SIM1: variants seen among roughly 807,000 people sequenced by gnomAD.
The protein encoded by SIM1 is SIM bHLH transcription factor 1, also known as single-minded homolog 1.
SIM1 carries 18 observed loss-of-function variants against 78.2 expected under a neutral mutation model. The ratio of observed to expected loss-of-function variants is 0.23; its 90% confidence interval spans 0.16 to 0.34. The LOEUF is 0.34. SIM1 is among the 10% of genes least tolerant of loss of function. SIM1 has a pLI of 1.00. For synonymous variants in SIM1, 417 were observed against 385.2 expected (o/e 1.08, Z -0.97); for missense variants, 939 against 975.1 (o/e 0.96, Z 0.49).
chr6:100,439,710 A>T (rs1772156258), intron 9 of SIM1, among the ~76,000 whole-genome samples: 1 of 152,202 alleles, frequency 6.6e-6, no homozygotes, highest in South Asian at 2.1e-4. Context: ...GGTAAAGTTG[A>T]CAAAACACTG....
rs1403199568 is a variant in SIM1, at chr6:100,386,500, A to T, written c.*3861T>A. 6.6e-6 allele frequency: 1 copy of T among 151,974 alleles called. No individual in the cohort carries two copies. The highest frequency in any genetic ancestry group is 1.5e-5 in the Non-Finnish European group (1 of 67,922). 9.4% of individuals were successfully genotyped at this position (151,974 alleles called of 1,614,324 possible). On this transcript the variant is annotated 3_prime_UTR_variant, in exon 12 of 12. Coordinates refer to ENST00000369208, the MANE Select transcript of SIM1 (RefSeq NM_005068.3). ...ACTTGGTTTAGATCTTGAGGGCGGA[A>T]ATCTTGTATTTCATTTTAAAATATA...
rs1374847760 is a variant in SIM1 at position 100,448,574 on chromosome 6, C to T, written c.648G>A (p.Ser216=). 2 of 1,614,092 alleles carry T rather than the reference C, an allele frequency of 1.2e-6. No individual in the cohort carries two copies. The highest frequency in any genetic ancestry group is 2.2e-5 in the East Asian group (1 of 44,866). The change falls in exon 7 of 12, where the codon TCG becomes TCA. Residue 216 remains serine, a synonymous_variant. Transcript: ENST00000369208. ...QNVGLVAVGH[S]LPPSAVTEIK... The stretch of plus-strand genomic sequence containing the variant: ...TCTCCGTGACGGCGCTGGGAGGCAG[C>T]GAGTGGCCCACGGCCACCAGGCCCA...
At chr6:100,409,993 G>A (rs7747189) in intron 10 of SIM1, among the ~76,000 whole-genome samples, 41,240 of 152,050 alleles carry the variant, frequency 0.27, 5,985 homozygotes, top group East Asian at 0.57. Context: ...AAAAATGTAT[G>A]TTCTGCGTCA....
Position 100,448,647 on chromosome 6 carries a change from C to A in SIM1, c.575G>T (p.Arg192Leu). 1.9e-6 allele frequency: 3 copies of A among 1,612,930 alleles called. No homozygotes were observed. Among genetic ancestry groups the A allele is most frequent in the Non-Finnish European group, 2.5e-6 (3 of 1,179,994 alleles). ...GGGGGACATGTCCAGGCTGTACTGG[C>A]GGATCTTCAAGTAGCCGCTGCAGTG... ...VIHCSGYLKIRQYSLDMSPFD... is the reference protein window; with the variant it reads ...VIHCSGYLKILQYSLDMSPFD... The change falls in exon 7 of 12, where the codon CGC becomes CTC. Residue 192 changes from arginine (R) to leucine (L), a missense_variant. By Grantham distance (102) the Arg-to-Leu change is moderately radical (BLOSUM62 -2). Around this residue, in one of 5 missense-constraint regions of SIM1, gnomAD observed 187 missense variants for 191.6 expected, o/e 0.98. Transcript: ENST00000369208.
At chr6:100,445,259 A>G (rs1772326563) in intron 9 of SIM1, among the ~76,000 whole-genome samples, 1 of 152,160 alleles carries the variant, frequency 6.6e-6, no homozygotes, top group Non-Finnish European at 1.5e-5. Flanking sequence ...CAGCTATAAA[A>G]ATTGTCCTAA....
chr6:100,409,627 T>A (rs541102487), intron 10 of SIM1, among the ~76,000 whole-genome samples: 1 of 152,250 alleles, frequency 6.6e-6, no homozygotes, highest in South Asian at 2.1e-4. Context: ...AGGTGTAAAG[T>A]TAAGTTATAT....
chr6:100,398,706 G>A (rs1770829433), intron 10 of SIM1, among the ~76,000 whole-genome samples: 1 of 152,034 alleles, frequency 6.6e-6, no homozygotes, highest in African/African-American at 2.4e-5. Flanking sequence ...TCTACCTTTT[G>A]ACTATGAAGC....
Position 100,393,572 on chromosome 6 carries a change from G to C in SIM1, c.1485C>G (p.Ala495=), listed in dbSNP as rs1770693698. The C allele has an allele frequency of 6.2e-7, 1 of 1,613,202 alleles. No homozygotes were observed. Among genetic ancestry groups the C allele is most frequent in the African/African-American group, 1.3e-5 (1 of 74,930 alleles). The change falls in exon 11 of 12, where the codon GCC becomes GCG. Residue 495 remains alanine (A), a synonymous_variant. Transcript: ENST00000369208. ...GREPWWGSRA[A]LPLTKASPES... ...CTGGGGAGGCCTTTGTCAGGGGCAA[G>C]GCTGCGCGAGAGCCCCACCAGGGCT... is the stretch of plus-strand genomic sequence containing the variant.
intron 2 of SIM1, among the ~76,000 whole-genome samples, chr6:100,459,978 A>AT (rs1427718325): frequency 6.6e-6 from 1 of 152,102 alleles, no homozygotes; most frequent in Non-Finnish European, 1.5e-5. Flanking sequence ...ATGTGCCTCA[A>AT]TTTTTTCTTT....
At chr6:100,457,815 C>A (rs996155055) in intron 2 of SIM1, among the ~76,000 whole-genome samples, 1 of 152,172 alleles carries the variant, frequency 6.6e-6, no homozygotes, top group African/African-American at 2.4e-5. Context: ...CATCGGCGAG[C>A]GCGCCGGGCC....
At chr6:100,397,668 G>C (rs1441595068) in intron 10 of SIM1, among the ~76,000 whole-genome samples, 3 of 151,742 alleles carry the variant, frequency 2.0e-5, no homozygotes, top group Non-Finnish European at 4.4e-5. Flanking sequence ...GAAAAAAAAA[G>C]ATAAATTGAA....
At chr6:100,412,728 AAAG>A (rs1379200722) in intron 10 of SIM1, among the ~76,000 whole-genome samples, 5 of 141,344 alleles carry the variant, frequency 3.5e-5, no homozygotes, top group Non-Finnish European at 7.6e-5. Context: ...AGAAAGAAAG[AAAG>A]AAAGAAAGAA....
At chr6:100,457,904 G>A (rs992433154) in intron 2 of SIM1, among the ~76,000 whole-genome samples, 1 of 152,198 alleles carries the variant, frequency 6.6e-6, no homozygotes, top group Non-Finnish European at 1.5e-5. Flanking sequence ...CCTGCCTGCT[G>A]ATCCCGGGCC....
chr6:100,457,197 C>T (rs1247806251), intron 2 of SIM1, among the ~76,000 whole-genome samples: 20 of 152,188 alleles, frequency 1.3e-4, no homozygotes, highest in Admixed American at 1.3e-3. Flanking sequence ...GGAAGATAAG[C>T]GTGTGTTCTG....
intron 10 of SIM1, among the ~76,000 whole-genome samples, chr6:100,412,956 C>T (rs1717049351): frequency 6.6e-6 from 1 of 152,100 alleles, no homozygotes; most frequent in Admixed American, 6.5e-5. Flanking sequence ...CCCAATCCTG[C>T]TGATAACTCC....
chr6:100,393,898 G>A lies in SIM1; in HGVS notation c.1168-9C>T, dbSNP rs750299680. On this transcript the variant is annotated splice_polypyrimidine_tract_variant and intron_variant, in intron 10 of 11. Transcript: ENST00000369208. ...GTGTGAAATCCCGAATACTGAAACC[G>A]AGTAGGGGAGAAAAGTCCATTTCAA... 6 of 1,526,914 alleles carry A rather than the reference G, an allele frequency of 3.9e-6. No individual in the cohort carries two copies. The highest frequency in any genetic ancestry group is 5.3e-6 in the Non-Finnish European group (6 of 1,136,670). The allele number at this position is 1,526,914 out of a possible 1,614,324, so 94.6% of individuals were successfully genotyped here.
chr6:100,408,218 T>A (rs1771099091), intron 10 of SIM1, among the ~76,000 whole-genome samples: 1 of 152,152 alleles, frequency 6.6e-6, no homozygotes, highest in South Asian at 2.1e-4. Flanking sequence ...TTCCCCATTT[T>A]GCATTCTTGG....
intron 9 of SIM1, among the ~76,000 whole-genome samples, chr6:100,426,584 A>G (rs1250189439): frequency 1.3e-5 from 2 of 152,218 alleles, no homozygotes; most frequent in East Asian, 1.9e-4. Flanking sequence ...TATCATTTCA[A>G]CTGGGAGAAT....
rs372582255 is a variant in SIM1 at position 100,449,447 on chromosome 6, C to A, written c.459G>T (p.Glu153Asp). 5.0e-6 allele frequency: 8 copies of A among 1,613,726 alleles called. No individual in the cohort carries two copies. Among genetic ancestry groups the A allele is most frequent in the Non-Finnish European group, 5.9e-6 (7 of 1,179,622 alleles). Residue 153 changes from glutamate (E) to aspartate (D), a missense_variant and splice_region_variant, in exon 6 of 12, where the codon GAG becomes GAT. By Grantham distance (45) the Glu-to-Asp change is conservative. This residue lies in a region of SIM1 where 187 missense variants were observed against 191.6 expected (regional missense o/e 0.98). Coordinates refer to ENST00000369208, the MANE Select transcript of SIM1 (RefSeq NM_005068.3). Reference protein sequence around the residue: ...HQPYHSHFVQEYEIERSFFLR... With the variant: ...HQPYHSHFVQDYEIERSFFLR... Reference sequence around the variant, plus strand: ...GGAAGAAGGAGCGCTCGATCTCATACTCTGGGAGAGAGGAACGAAGGGAAG... The same window carrying A: ...GGAAGAAGGAGCGCTCGATCTCATAATCTGGGAGAGAGGAACGAAGGGAAG...
Sources: gnomAD v4.1 joint callset for allele counts (sites outside exome capture counted in the v4.1 genomes callset) on GRCh38, gnomAD v4.1.1 for gene constraint, gnomAD v4.1.1 regional missense constraint, MANE v1.5 for transcripts, NCBI Gene and HGNC (gene_info 2026-07-23, HGNC 2026-07-21) for gene names.